The following NSG1 variants were observed in gnomAD, a reference collection of about 807,000 sequenced individuals.
The protein encoded by NSG1 is neuronal vesicle trafficking associated 1, also known as neuronal vesicle trafficking-associated protein 1.
Under a neutral mutation model 19.3 loss-of-function variants are expected in NSG1, and 9 were observed. That is an observed-to-expected ratio of 0.47 (90% CI 0.28 to 0.81). The LOEUF is 0.81. NSG1 is among the 40% of genes least tolerant of loss of function. The pLI, the probability that NSG1 is intolerant of heterozygous loss-of-function variation, is 0.11. For missense variants in NSG1, 236 were observed against 242.4 expected (o/e 0.97, Z 0.18); for synonymous variants, 104 against 107.0 (o/e 0.97, Z 0.17).
At chr4:4,404,556 G>C (rs538064487) in intron 3 of NSG1, among the ~76,000 whole-genome samples, 1 of 152,212 alleles carries the variant, frequency 6.6e-6, no homozygotes, top group Non-Finnish European at 1.5e-5. Flanking sequence ...TTTCAAATTG[G>C]TTGAACGATG....
chr4:4,397,383 A>G (rs1038470037), intron 3 of NSG1, among the ~76,000 whole-genome samples: 2 of 152,186 alleles, frequency 1.3e-5, no homozygotes, highest in African/African-American at 4.8e-5. Context: ...AAATAAGGCC[A>G]GAAAGGTTAA....
intron 3 of NSG1, among the ~76,000 whole-genome samples, chr4:4,396,597 A>G (rs577829132): frequency 1.3e-3 from 205 of 152,200 alleles, no homozygotes; most frequent in African/African-American, 4.8e-3. Flanking sequence ...TCTGGTGGGG[A>G]CGTCCCTCTG....
intron 4 of NSG1, 35 bp downstream of exon 4, chr4:4,409,718 G>A (rs746053822): frequency 6.0e-6 from 9 of 1,504,920 alleles, no homozygotes; most frequent in East Asian, 2.3e-5. Flanking sequence ...GCCCTGGGAC[G>A]CCTTTGCACC....
intron 2 of NSG1, among the ~76,000 whole-genome samples, chr4:4,388,660 A>T (rs1197034237): frequency 6.8e-6 from 1 of 146,260 alleles, no homozygotes; most frequent in Non-Finnish European, 1.5e-5. Flanking sequence ...TTATTTTCTC[A>T]TTTAGTCCCT....
chr4:4,395,228 A>G (rs77076660), intron 3 of NSG1, among the ~76,000 whole-genome samples: 5 of 152,330 alleles, frequency 3.3e-5, no homozygotes, highest in African/African-American at 1.2e-4. Flanking sequence ...GTGTTTCTGG[A>G]GCCACCTGAG....
chr4:4,398,930 A>C (rs763470240), intron 3 of NSG1, among the ~76,000 whole-genome samples: 4 of 152,234 alleles, frequency 2.6e-5, no homozygotes, highest in Non-Finnish European at 5.9e-5. Flanking sequence ...CAATTTCTCC[A>C]CATCCTCACC....
rs1289876416 is a variant in NSG1, at chr4:4,418,393, TC to T, written c.*961del. On this transcript the variant is annotated 3_prime_UTR_variant, in exon 5 of 5. Transcript: ENST00000621129. ...TAATTTTTATTCTATGAAACTGATA[TC>T]CCTTGATGTGGGAAACAGGCAGGAA... 2.1e-5 allele frequency: 3 copies of T among 144,606 alleles called. No homozygotes were observed. Among genetic ancestry groups the T allele is most frequent in the African/African-American group, 7.9e-5 (3 of 38,194 alleles). The allele number at this position is 144,606 out of a possible 1,614,324, so 9.0% of individuals were successfully genotyped here. A position where few individuals can be genotyped will look rare whatever the true frequency, so the allele number is the denominator to read the frequency against.
chr4:4,388,622 C>T (rs777271900), intron 2 of NSG1, among the ~76,000 whole-genome samples: 12 of 152,190 alleles, frequency 7.9e-5, no homozygotes, highest in Non-Finnish European at 1.2e-4. Context: ...ACCACAGCCA[C>T]GAATAATTCC....
At chr4:4,403,438 G>A (rs899559862) in intron 3 of NSG1, among the ~76,000 whole-genome samples, 8 of 152,176 alleles carry the variant, frequency 5.3e-5, no homozygotes, top group African/African-American at 1.9e-4. Flanking sequence ...GTCATATCCT[G>A]TAGCGCAATG....
At chr4:4,390,796 G>T (rs2108723029) in intron 2 of NSG1, among the ~76,000 whole-genome samples, 1 of 152,290 alleles carries the variant, frequency 6.6e-6, no homozygotes, top group Admixed American at 6.5e-5. Context: ...AGGCTTCTTG[G>T]GTCCATCTGA....
chr4:4,412,584 G>A (rs543860219), intron 4 of NSG1, among the ~76,000 whole-genome samples: 23 of 152,160 alleles, frequency 1.5e-4, no homozygotes, highest in Admixed American at 2.6e-4. Flanking sequence ...AAGGAGAGGC[G>A]TGAGCTCATG....
At chr4:4,388,013 G>C (rs1420209110) in intron 2 of NSG1, among the ~76,000 whole-genome samples, 2 of 120,080 alleles carry the variant, frequency 1.7e-5, no homozygotes. Flanking sequence ...AGATTCCTTC[G>C]CGTTTTTCCT....
intron 3 of NSG1, among the ~76,000 whole-genome samples, chr4:4,403,491 C>T (rs1314594635): frequency 2.0e-5 from 3 of 152,174 alleles, no homozygotes; most frequent in Non-Finnish European, 4.4e-5. Context: ...TTCAAGTCGC[C>T]GCCTCCTCAG....
At chr4:4,388,473 C>G (rs1722847936) in intron 2 of NSG1, among the ~76,000 whole-genome samples, 1 of 152,144 alleles carries the variant, frequency 6.6e-6, no homozygotes, top group African/African-American at 2.4e-5. Flanking sequence ...TTTCTGTTTG[C>G]TAAGAATAAT....
At chr4:4,396,644 C>A (rs1723263513) in intron 3 of NSG1, among the ~76,000 whole-genome samples, 1 of 150,336 alleles carries the variant, frequency 6.7e-6, no homozygotes, top group Non-Finnish European at 1.5e-5. Context: ...TGGTTTGTGT[C>A]TTTTCTTCAC....
rs768337643 is a variant in NSG1 at position 4,417,353 on chromosome 4, G to A, written c.476G>A (p.Arg159His). 5 of 1,614,152 alleles carry A rather than the reference G, an allele frequency of 3.1e-6. No individual in the cohort carries two copies. The highest frequency in any genetic ancestry group is 4.2e-6 in the Non-Finnish European group (5 of 1,180,044). Residue 159 changes from arginine (R) to histidine (H), a missense_variant, in exon 5 of 5, where the codon CGC becomes CAC. Transcript: ENST00000621129. ...AACCTGGCCAAGCAGAGCATCACGC[G>A]CTCCGTATCGCCCTGGATGTCAGTT... ...HYNLAKQSIT[R>H]SVSPWMSVLS...
At chr4:4,387,572 T>TGGGG in intron 1 of NSG1, 32 bp from the exon 2 acceptor site, 1 of 662,100 alleles carries the variant, frequency 1.5e-6, no homozygotes, top group East Asian at 5.9e-5. Flanking sequence ...GGGTCTTGCT[T>TGGGG]GTGGTGACTC....
Position 4,400,853 on chromosome 4 carries a change from C to A in NSG1, c.247-8720C>A, listed in dbSNP as rs181473002. On this transcript the variant is annotated intron_variant, in intron 3 of 4. Coordinates refer to ENST00000621129, the MANE Select transcript of NSG1 (RefSeq NM_014392.5). ...GTTCAGTGTGTTAATAAATGCATAT[C>A]TATCACAAATTTATATTTTTGTAAT... Among the ~76,000 whole-genome samples, 310 of 152,332 alleles carry A rather than the reference C, an allele frequency of 2.0e-3. 4 individuals carry two copies. Among genetic ancestry groups the A allele is most frequent in the Admixed American group, 9.9e-3 (151 of 15,300 alleles).
At chr4:4,389,083 C>G (rs912275641) in intron 2 of NSG1, among the ~76,000 whole-genome samples, 3 of 152,266 alleles carry the variant, frequency 2.0e-5, no homozygotes, top group African/African-American at 7.2e-5. Context: ...CCCCCAGCTG[C>G]TCGGCTGAGG....
Sources: gnomAD v4.1 joint callset for allele counts (sites outside exome capture counted in the v4.1 genomes callset) on GRCh38, gnomAD v4.1.1 for gene constraint, MANE v1.5 for transcripts, NCBI Gene and HGNC (gene_info 2026-07-23, HGNC 2026-07-21) for gene names.